Variants in TMEM117 observed in about 807,000 individuals in gnomAD.
TMEM117 encodes transmembrane protein 117.
Under a neutral mutation model 52.4 loss-of-function variants are expected in TMEM117, and 27 were observed. The observed-to-expected ratio is 0.51, with a 90% CI of 0.38 to 0.71. The LOEUF (loss-of-function observed/expected upper bound fraction) is 0.71, where lower values mean the gene tolerates loss of function less well. Among genes scored for constraint, TMEM117 ranks in the 30% least tolerant of loss-of-function variants. The pLI, the probability that TMEM117 is intolerant of heterozygous loss-of-function variation, is 0.00. For missense variants in TMEM117, 556 were observed against 630.5 expected (o/e 0.88, Z 1.26); for synonymous variants, 215 against 206.3 (o/e 1.04, Z -0.36).
intron 4 of TMEM117, among the ~76,000 whole-genome samples, chr12:44,172,020 G>A (rs1393233698): frequency 2.6e-5 from 4 of 152,168 alleles, no homozygotes; most frequent in Non-Finnish European, 4.4e-5. Flanking sequence ...AGTGGGTGAG[G>A]CAGCAGTGCT....
At chr12:44,063,052 C>G (rs183365901) in intron 3 of TMEM117, among the ~76,000 whole-genome samples, 5 of 152,298 alleles carry the variant, frequency 3.3e-5, no homozygotes, top group Admixed American at 3.3e-4. Flanking sequence ...ACAATGTCTT[C>G]TCAGTTGAAC....
chr12:44,253,193 A>AGT (rs1433185203), intron 5 of TMEM117, among the ~76,000 whole-genome samples: 1 of 152,120 alleles, frequency 6.6e-6, no homozygotes, highest in African/African-American at 2.4e-5. Flanking sequence ...GAATAGGGGG[A>AGT]GTGTGTGTGG....
intron 2 of TMEM117, among the ~76,000 whole-genome samples, chr12:43,853,550 C>T (rs566905275): frequency 2.6e-5 from 4 of 152,318 alleles, no homozygotes; most frequent in Middle Eastern, 3.4e-3. Flanking sequence ...GCTGGGATTA[C>T]AGGCGTGAGC....
intron 5 of TMEM117, chr12:44,263,650 A>C (rs1326935691): frequency 1.3e-5 from 2 of 152,288 alleles, no homozygotes; most frequent in East Asian, 3.9e-4. Flanking sequence ...AAACGAAATA[A>C]CTTCTTCATT....
chr12:43,868,455 G>A (rs1231257815), intron 2 of TMEM117, among the ~76,000 whole-genome samples: 1 of 151,986 alleles, frequency 6.6e-6, no homozygotes, highest in Non-Finnish European at 1.5e-5. Flanking sequence ...TGGAGGCTGA[G>A]GCAGGAGAAT....
At chr12:43,841,487 A>G (rs769410800) in intron 1 of TMEM117, among the ~76,000 whole-genome samples, 1 of 152,212 alleles carries the variant, frequency 6.6e-6, no homozygotes, top group Non-Finnish European at 1.5e-5. Flanking sequence ...TCAATGCTAT[A>G]GTTCTCTTCC....
At chr12:44,030,146 T>C (rs1298397615) in intron 3 of TMEM117, among the ~76,000 whole-genome samples, 4 of 152,230 alleles carry the variant, frequency 2.6e-5, no homozygotes, top group Non-Finnish European at 5.9e-5. Flanking sequence ...TTAAGTAATC[T>C]TTAGGAAATA....
chr12:44,126,604 G>A (rs750316295), intron 3 of TMEM117, among the ~76,000 whole-genome samples: 1 of 152,182 alleles, frequency 6.6e-6, no homozygotes, highest in East Asian at 1.9e-4. Context: ...ACATTGTACA[G>A]TGTTTCTCAT....
chr12:43,899,296 T>C lies in TMEM117; in HGVS notation c.278-44914T>C, dbSNP rs548892554. Among the ~76,000 whole-genome samples the C allele has an allele frequency of 3.9e-5, 6 of 152,354 alleles. No individual in the cohort carries two copies. The South Asian group carries it at 1.2e-3, about 32-fold the overall frequency. ...TAGGGCTCCTTTTACTGAAAATCTTTACTGATGAGTACTGTTTATAAACCA... is the reference window on the plus strand; with the variant it reads ...TAGGGCTCCTTTTACTGAAAATCTTCACTGATGAGTACTGTTTATAAACCA... On this transcript the variant is annotated intron_variant, in intron 2 of 7. Transcript: ENST00000266534.
intron 2 of TMEM117, among the ~76,000 whole-genome samples, chr12:43,856,813 GA>G (rs573654891): frequency 2.9e-4 from 43 of 148,826 alleles, no homozygotes; most frequent in African/African-American, 7.6e-4. Flanking sequence ...GAACACTCAT[GA>G]AAAAAAAATA....
At chr12:44,017,326 C>CTTT (rs79007657) in intron 3 of TMEM117, among the ~76,000 whole-genome samples, 25 of 97,110 alleles carry the variant, frequency 2.6e-4, no homozygotes, top group African/African-American at 9.5e-4. Flanking sequence ...TCTTTCTTTC[C>CTTT]TTTTTTTTTT....
At chr12:44,146,890 C>T (rs1446600320) in intron 4 of TMEM117, among the ~76,000 whole-genome samples, 2 of 151,982 alleles carry the variant, frequency 1.3e-5, no homozygotes, top group South Asian at 2.1e-4. Flanking sequence ...TAATTCAAAA[C>T]TTTTTCATAG....
intron 5 of TMEM117, among the ~76,000 whole-genome samples, chr12:44,214,137 A>ATTTT (rs1949683730): frequency 1.1e-5 from 1 of 93,410 alleles, no homozygotes; most frequent in South Asian, 2.9e-4. Flanking sequence ...TTTTTTTTTT[A>ATTTT]ATTTTTTTTT....
At chr12:44,071,934 T>C (rs1472795353) in intron 3 of TMEM117, among the ~76,000 whole-genome samples, 2 of 152,206 alleles carry the variant, frequency 1.3e-5, no homozygotes, top group Non-Finnish European at 1.5e-5. Context: ...ATCTGTAGTT[T>C]AGTAAGCATC....
At chr12:44,069,073 T>C (rs1363548516) in intron 3 of TMEM117, among the ~76,000 whole-genome samples, 4 of 152,222 alleles carry the variant, frequency 2.6e-5, no homozygotes, top group Non-Finnish European at 4.4e-5. Flanking sequence ...TTATGGTTTT[T>C]AGTTATGTTT....
At chr12:44,308,737 A>C (rs908296814) in intron 6 of TMEM117, among the ~76,000 whole-genome samples, 2 of 150,296 alleles carry the variant, frequency 1.3e-5, no homozygotes, top group African/African-American at 4.9e-5. Flanking sequence ...CTCCTGCTTC[A>C]GGCTTCCCAG....
At chr12:43,965,641 T>C (rs1414967398) in intron 3 of TMEM117, among the ~76,000 whole-genome samples, 8 of 152,268 alleles carry the variant, frequency 5.3e-5, no homozygotes, top group Non-Finnish European at 1.0e-4. Context: ...TTCTGCTTAA[T>C]GGTCTGAGCC....
intron 4 of TMEM117, among the ~76,000 whole-genome samples, chr12:44,201,317 T>C (rs9738149): frequency 0.2 from 30,962 of 151,994 alleles, 5,431 homozygotes; most frequent in African/African-American, 0.48. Flanking sequence ...AGATCCTAAC[T>C]CAATGAGCAG....
chr12:43,944,842 G>C (rs967151612), intron 3 of TMEM117, among the ~76,000 whole-genome samples: 1 of 152,048 alleles, frequency 6.6e-6, no homozygotes, highest in African/African-American at 2.4e-5. Flanking sequence ...AGCTGGGCAT[G>C]GTGGCTCATG....
Sources: gnomAD v4.1 joint callset for allele counts (sites outside exome capture counted in the v4.1 genomes callset) on GRCh38, gnomAD v4.1.1 for gene constraint, MANE v1.5 for transcripts, NCBI Gene and HGNC (gene_info 2026-07-23, HGNC 2026-07-21) for gene names.